FKBP5: variants seen among roughly 807,000 people sequenced by gnomAD.
FKBP5 encodes peptidyl-prolyl cis-trans isomerase FKBP5.
In FKBP5, 23 loss-of-function variants were observed where a neutral mutation model predicts 50.5. That is an observed-to-expected ratio of 0.46 (90% CI 0.33 to 0.65). The LOEUF (loss-of-function observed/expected upper bound fraction) is 0.65, where lower values mean the gene tolerates loss of function less well. Among genes scored for constraint, FKBP5 ranks in the 30% least tolerant of loss-of-function variants. FKBP5 has a pLI of 0.02. For synonymous variants in FKBP5, 176 were observed against 190.6 expected (o/e 0.92, Z 0.63); for missense variants, 411 against 553.1 (o/e 0.74, Z 2.58).
intron 8 of FKBP5, chr6:35,586,811 C>T: frequency 7.1e-7 from 1 of 1,411,156 alleles, no homozygotes; most frequent in Non-Finnish European, 9.2e-7. Flanking sequence ...TGGAAGGTTA[C>T]AATCTAGAGC....
intron 1 of FKBP5, among the ~76,000 whole-genome samples, chr6:35,677,850 C>T (rs1765567560): frequency 6.6e-6 from 1 of 151,738 alleles, no homozygotes; most frequent in Admixed American, 6.6e-5. Context: ...GTGGCATGAT[C>T]ATGGCTCATT....
intron 1 of FKBP5, among the ~76,000 whole-genome samples, chr6:35,668,425 C>T (rs541199812): frequency 9.3e-4 from 142 of 152,312 alleles, no homozygotes; most frequent in African/African-American, 3.3e-3. Context: ...CAAAATCAAT[C>T]CTGAAAAGAG....
At chr6:35,643,630 A>G (rs1418255739) in intron 1 of FKBP5, among the ~76,000 whole-genome samples, 1 of 152,168 alleles carries the variant, frequency 6.6e-6, no homozygotes, top group Non-Finnish European at 1.5e-5. Flanking sequence ...AACTAGGCCA[A>G]TTCCACCTCT....
intron 5 of FKBP5, among the ~76,000 whole-genome samples, chr6:35,612,430 G>C (rs1226131460): frequency 6.6e-6 from 1 of 152,080 alleles, no homozygotes; most frequent in African/African-American, 2.4e-5. Flanking sequence ...TTTTTCCTTA[G>C]ATCAATTAAA....
intron 2 of FKBP5, among the ~76,000 whole-genome samples, chr6:35,707,342 G>A (rs992672211): frequency 6.6e-6 from 1 of 150,462 alleles, no homozygotes; most frequent in East Asian, 2.0e-4. Flanking sequence ...TCAGCCTCCC[G>A]AGTAGCTGGG....
chr6:35,580,153 A>G lies in FKBP5; in HGVS notation c.909T>C (p.Gly303=). 6.2e-7 allele frequency: 1 copy of G among 1,614,110 alleles called. No homozygotes were observed. The highest frequency in any genetic ancestry group is 8.5e-7 in the Non-Finnish European group (1 of 1,179,950). Reference sequence around the variant, plus strand: ...AAGCTTTCGATTCCTTTTCTGATAAACCATATTCCATCTCTAACCAGGACA... The same window carrying G: ...AAGCTTTCGATTCCTTTTCTGATAAGCCATATTCCATCTCTAACCAGGACA... The part of the protein sequence containing the change: ...KIVSWLEMEY[G]LSEKESKASE... Residue 303 remains glycine, a synonymous_variant, in exon 9 of 11, where the codon GGT becomes GGC. Coordinates refer to ENST00000357266, the MANE Select transcript of FKBP5 (RefSeq NM_004117.4).
intron 2 of FKBP5, among the ~76,000 whole-genome samples, chr6:35,639,502 G>A (rs1022113147): frequency 3.3e-5 from 5 of 152,078 alleles, no homozygotes; most frequent in African/African-American, 1.2e-4. Context: ...ATGTTCTCTG[G>A]GCATGGGCAC....
intron 2 of FKBP5, among the ~76,000 whole-genome samples, chr6:35,700,669 TA>T (rs1420754682): frequency 2.6e-5 from 4 of 151,936 alleles, no homozygotes; most frequent in African/African-American, 4.8e-5. Context: ...ATTTAATAAA[TA>T]AAAAAGGCCA....
intron 3 of FKBP5, among the ~76,000 whole-genome samples, chr6:35,624,003 T>C (rs1236279700): frequency 6.6e-6 from 1 of 151,162 alleles, no homozygotes; most frequent in South Asian, 2.1e-4. Flanking sequence ...ATCAGCCCAG[T>C]TTTTTTCCTT....
intron 10 of FKBP5, among the ~76,000 whole-genome samples, chr6:35,576,679 CCGGGGGG>C (rs1762226665): frequency 8.6e-6 from 1 of 115,648 alleles, no homozygotes; most frequent in Non-Finnish European, 1.8e-5. Context: ...GGGCAGGGGC[CCGGGGGG>C]CGGGCGGGGG....
intron 2 of FKBP5, among the ~76,000 whole-genome samples, chr6:35,700,991 A>G (rs975259728): frequency 1.3e-5 from 2 of 152,090 alleles, no homozygotes; most frequent in Non-Finnish European, 2.9e-5. Flanking sequence ...AAATAAAAAA[A>G]TTTAAAAATA....
chr6:35,665,541 G>A (rs900211133), intron 1 of FKBP5, among the ~76,000 whole-genome samples: 6 of 151,888 alleles, frequency 4.0e-5, no homozygotes, highest in Non-Finnish European at 8.8e-5. Context: ...CGCCCGCCTC[G>A]GCCTCCCAAA....
chr6:35,612,327 G>C (rs899345148), intron 5 of FKBP5, among the ~76,000 whole-genome samples: 24 of 152,174 alleles, frequency 1.6e-4, no homozygotes, highest in African/African-American at 5.5e-4. Context: ...GAAGGCAGCA[G>C]TTGCAGTGAG....
chr6:35,582,421 C>T, intron 8 of FKBP5: 2 of 510,148 alleles, frequency 3.9e-6, no homozygotes, highest in Non-Finnish European at 5.1e-6. Context: ...GAGGGTGGGG[C>T]CTCATGATGG....
chr6:35,608,994 TG>T (rs1168315401), intron 5 of FKBP5, among the ~76,000 whole-genome samples: 1 of 152,092 alleles, frequency 6.6e-6, no homozygotes, highest in Non-Finnish European at 1.5e-5. Flanking sequence ...GATGGGGTTT[TG>T]CCATGTTGGC....
chr6:35,725,813 G>A (rs551831691), intron 1 of FKBP5, among the ~76,000 whole-genome samples: 1 of 152,332 alleles, frequency 6.6e-6, no homozygotes, highest in Non-Finnish European at 1.5e-5. Context: ...AACTGTACCA[G>A]CCTTTTTGAG....
intron 1 of FKBP5, among the ~76,000 whole-genome samples, chr6:35,679,535 A>G (rs1414760625): frequency 1.3e-5 from 2 of 152,234 alleles, no homozygotes; most frequent in African/African-American, 2.4e-5. Flanking sequence ...AAAAATATAT[A>G]AGTTAAATGA....
intron 5 of FKBP5, among the ~76,000 whole-genome samples, chr6:35,610,429 G>C (rs769018448): frequency 6.6e-6 from 1 of 151,698 alleles, no homozygotes; most frequent in Non-Finnish European, 1.5e-5. Flanking sequence ...TCAGCTGGGC[G>C]TGGTGGCAGG....
intron 2 of FKBP5, among the ~76,000 whole-genome samples, chr6:35,696,998 G>C (rs527620215): frequency 6.6e-6 from 1 of 152,254 alleles, no homozygotes; most frequent in South Asian, 2.1e-4. Flanking sequence ...ATGTAAAATG[G>C]TATGGCCTCT....
Sources: allele counts gnomAD v4.1 joint callset (sites outside exome capture counted in the v4.1 genomes callset), GRCh38; gene constraint gnomAD v4.1.1; transcripts MANE v1.5; gene names NCBI Gene and HGNC (gene_info 2026-07-23, HGNC 2026-07-21).